Variants in TRANK1 observed in about 807,000 individuals in gnomAD.
TRANK1 encodes tetratricopeptide repeat and ankyrin repeat containing 1.
Under a neutral mutation model 266.0 loss-of-function variants are expected in TRANK1, and 198 were observed. The observed-to-expected ratio is 0.74, with a 90% CI of 0.66 to 0.84. The LOEUF (loss-of-function observed/expected upper bound fraction) is 0.84, where lower values mean the gene tolerates loss of function less well. Among genes scored for constraint, TRANK1 ranks in the 40% least tolerant of loss-of-function variants. The probability of loss-of-function intolerance (pLI) is 0.00; values close to 1 mark genes in which losing one functional copy is unlikely to be tolerated. For missense variants in TRANK1, 3,326 were observed against 3,634.6 expected, an observed-to-expected ratio of 0.92 and a Z score of 2.18; for synonymous variants, 1,396 against 1,384.1, an observed-to-expected ratio of 1.01 and a Z score of -0.19.
chr3:36,931,657 A>G (rs1197557487), intron 1 of TRANK1, among the ~76,000 whole-genome samples: 1 of 152,238 alleles, frequency 6.6e-6, no homozygotes, highest in Non-Finnish European at 1.5e-5. Context: ...AGCCATGATC[A>G]TGCCACTGCA....
chr3:36,903,318 A>C, intron 2 of TRANK1, 43 bp from the exon 3 acceptor site: 1 of 1,522,940 alleles, frequency 6.6e-7, no homozygotes, highest in Non-Finnish European at 8.8e-7. Flanking sequence ...CTGCAAATAC[A>C]GAAAACAGTC....
chr3:36,854,326 C>T (rs2079022145), intron 13 of TRANK1, among the ~76,000 whole-genome samples: 1 of 151,718 alleles, frequency 6.6e-6, no homozygotes, highest in African/African-American at 2.4e-5. Flanking sequence ...CGCCACTGCA[C>T]TCCGGCCTGA....
At chr3:36,912,503 A>C (rs1261193683) in intron 1 of TRANK1, among the ~76,000 whole-genome samples, 1 of 152,230 alleles carries the variant, frequency 6.6e-6, no homozygotes, top group African/African-American at 2.4e-5. Context: ...GGACAATTGC[A>C]CAGCTGCCTG....
chr3:36,870,962 T>TAAAAAAAAAAA (rs563787088), intron 9 of TRANK1, among the ~76,000 whole-genome samples: 37 of 65,020 alleles, frequency 5.7e-4, no homozygotes, highest in Admixed American at 9.5e-4. Context: ...ACAAGGAAAC[T>TAAAAAAAAAAA]AAAAAAAAAA....
At chr3:36,871,312 G>A (rs369319382) in intron 9 of TRANK1, among the ~76,000 whole-genome samples, 6 of 152,134 alleles carry the variant, frequency 3.9e-5, no homozygotes, top group South Asian at 2.1e-4. Flanking sequence ...CGCTTGAACC[G>A]GGGAGGCGGA....
At chr3:36,928,074 C>T (rs1328399674) in intron 1 of TRANK1, among the ~76,000 whole-genome samples, 2 of 152,196 alleles carry the variant, frequency 1.3e-5, no homozygotes, top group Admixed American at 6.5e-5. Context: ...CTGATTAGTG[C>T]CCACAGTATT....
At chr3:36,917,364 T>C (rs1429097629) in intron 1 of TRANK1, among the ~76,000 whole-genome samples, 2 of 152,070 alleles carry the variant, frequency 1.3e-5, no homozygotes, top group Non-Finnish European at 2.9e-5. Flanking sequence ...AAAAAAGAAA[T>C]ATATTCTATA....
At chr3:36,895,113 TG>T (rs1443042250) in intron 5 of TRANK1, among the ~76,000 whole-genome samples, 1 of 152,048 alleles carries the variant, frequency 6.6e-6, no homozygotes, top group Non-Finnish European at 1.5e-5. Context: ...AAATAGTAAG[TG>T]GGGGATTCTG....
Position 36,860,377 on chromosome 3 carries a change from T to C in TRANK1, c.1495+529A>G, listed in dbSNP as rs1230534001. 2.0e-5 allele frequency among the ~76,000 whole-genome samples: 3 copies of C among 152,324 alleles called. No homozygotes were observed. The East Asian group carries it at 5.8e-4, about 29-fold the overall frequency. ...GGAAATAAAAGCCAATTCAGCAAGA[T>C]GTCTGCACACTCCAGACACACACCC... On this transcript the variant is annotated intron_variant, in intron 11 of 23. Transcript: ENST00000645898.
intron 1 of TRANK1, 64 bp from the exon 2 acceptor site, chr3:36,908,518 T>C: frequency 8.1e-7 from 1 of 1,232,002 alleles, no homozygotes; most frequent in Non-Finnish European, 1.0e-6. Flanking sequence ...CCTTCCGGTC[T>C]GCATTGCTGA....
chr3:36,884,497 G>C (rs1173404929), intron 8 of TRANK1, among the ~76,000 whole-genome samples: 1 of 152,206 alleles, frequency 6.6e-6, no homozygotes, highest in East Asian at 1.9e-4. Flanking sequence ...TATGGCTAAA[G>C]CTGGAGCAAC....
At position 36,860,901 on chromosome 3, in the gene TRANK1, C is replaced by G; in HGVS notation, c.1495+5G>C. ...CTCCAACGCTTAGCATCCAGTCACT[C>G]TCACCTCCACTGTCTATCAGGCAGC... is the stretch of plus-strand genomic sequence containing the variant. On this transcript the variant is annotated splice_donor_5th_base_variant and intron_variant, in intron 11 of 23. Transcript: ENST00000645898. 6.5e-7 allele frequency: 1 copy of G among 1,537,180 alleles called. No homozygotes were observed. Among genetic ancestry groups the G allele is most frequent in the Non-Finnish European group, 8.7e-7 (1 of 1,146,788 alleles).
intron 18 of TRANK1, among the ~76,000 whole-genome samples, chr3:36,842,021 G>T (rs1475367239): frequency 6.6e-6 from 1 of 152,196 alleles, no homozygotes; most frequent in Non-Finnish European, 1.5e-5. Context: ...CCTGTGATGT[G>T]CAGGAATGCT....
intron 3 of TRANK1, among the ~76,000 whole-genome samples, chr3:36,899,627 C>A (rs531891727): frequency 6.6e-6 from 1 of 152,324 alleles, no homozygotes; most frequent in East Asian, 1.9e-4. Flanking sequence ...CTACTGCACT[C>A]CAGCCTGGGC....
intron 8 of TRANK1, 71 bp downstream of exon 8, chr3:36,889,758 C>A: frequency 1.4e-6 from 2 of 1,462,488 alleles, no homozygotes; most frequent in Non-Finnish European, 9.0e-7. Context: ...ACAAGGCAGT[C>A]GGTGGTGTGG....
intron 1 of TRANK1, among the ~76,000 whole-genome samples, chr3:36,928,151 A>G (rs1307113036): frequency 6.6e-6 from 1 of 152,176 alleles, no homozygotes; most frequent in African/African-American, 2.4e-5. Flanking sequence ...GTTTCTATCT[A>G]CTTGTTCCCT....
chr3:36,884,815 C>T lies in TRANK1; in HGVS notation c.907+5014G>A, dbSNP rs112234058. On this transcript the variant is annotated intron_variant, in intron 8 of 23. Coordinates refer to ENST00000645898, the MANE Select transcript of TRANK1 (RefSeq NM_001329998.2). ...GAGCATGGTGGCACACACCTGTAAT[C>T]CCAGCTACTCATGAGGCTGAGGCAG... Among the ~76,000 whole-genome samples the T allele has an allele frequency of 6.9e-3, 1,051 of 152,092 alleles. 13 individuals are homozygous for T. The highest frequency in any genetic ancestry group is 0.024 in the African/African-American group (979 of 41,476).
chr3:36,858,925 G>A, intron 11 of TRANK1, 31 bp from the exon 12 acceptor site: 1 of 1,512,480 alleles, frequency 6.6e-7, no homozygotes, highest in South Asian at 1.2e-5. Flanking sequence ...AGCGCAATGT[G>A]AGCAGGCACA....
chr3:36,919,631 A>G (rs2080187314), intron 1 of TRANK1, among the ~76,000 whole-genome samples: 1 of 152,208 alleles, frequency 6.6e-6, no homozygotes, highest in African/African-American at 2.4e-5. Context: ...CTTTCTTCCC[A>G]GGAGTGGATC....
Sources: allele counts gnomAD v4.1 joint callset (sites outside exome capture counted in the v4.1 genomes callset), GRCh38; gene constraint gnomAD v4.1.1; transcripts MANE v1.5; gene names NCBI Gene and HGNC (gene_info 2026-07-23, HGNC 2026-07-21).